The following ASAP1 variants were observed in gnomAD, a reference collection of about 807,000 sequenced individuals.
The protein encoded by ASAP1 is ArfGAP with SH3 domain, ankyrin repeat and PH domain 1.
In ASAP1, 43 loss-of-function variants were observed where a neutral mutation model predicts 145.2. The ratio of observed to expected loss-of-function variants is 0.30; its 90% CI spans 0.23 to 0.38. ASAP1 has a LOEUF of 0.38. Among genes scored for constraint, ASAP1 ranks in the 10% least tolerant of loss-of-function variants. ASAP1 has a pLI of 1.00. For synonymous variants in ASAP1, 546 were observed against 515.5 expected, an observed-to-expected ratio of 1.06 and a Z score of -0.80; for missense variants, 1,018 against 1,355.3, an observed-to-expected ratio of 0.75 and a Z score of 3.91.
intron 2 of ASAP1, among the ~76,000 whole-genome samples, chr8:130,366,886 C>CTGTTTTTTTTTTTTTT: frequency 1.0e-5 from 1 of 99,206 alleles, no homozygotes. Context: ...TGCTAGATTC[C>CTGTTTTTTTTTTTTTT]TTTTTTTTTT....
At chr8:130,368,052 A>C (rs1289460764) in intron 2 of ASAP1, among the ~76,000 whole-genome samples, 15 of 152,052 alleles carry the variant, frequency 9.9e-5, no homozygotes, top group Non-Finnish European at 2.2e-4. Flanking sequence ...AGGGGCTCTA[A>C]TTCAGAAAAA....
At chr8:130,420,660 G>A (rs1054009111) in intron 1 of ASAP1, among the ~76,000 whole-genome samples, 3 of 152,018 alleles carry the variant, frequency 2.0e-5, no homozygotes, top group Non-Finnish European at 1.5e-5. Context: ...GTGGGAGGCC[G>A]AGGCAGACGG....
At chr8:130,375,239 G>A (rs563107597) in intron 2 of ASAP1, among the ~76,000 whole-genome samples, 1 of 152,214 alleles carries the variant, frequency 6.6e-6, no homozygotes, top group Non-Finnish European at 1.5e-5. Flanking sequence ...GGATCCCCCA[G>A]GCGTTAGGAG....
chr8:130,176,888 C>A (rs138402553), intron 9 of ASAP1, among the ~76,000 whole-genome samples: 432 of 152,166 alleles, frequency 2.8e-3, no homozygotes, highest in African/African-American at 1.0e-2. Context: ...CGGGGTTTTG[C>A]CATGTTGGTC....
intron 3 of ASAP1, among the ~76,000 whole-genome samples, chr8:130,319,701 G>A (rs988378264): frequency 6.6e-6 from 1 of 152,150 alleles, no homozygotes; most frequent in South Asian, 2.1e-4. Context: ...ACAGAGCAAC[G>A]CACGTATTAA....
At position 130,108,767 on chromosome 8, in the gene ASAP1, T is replaced by G. The variant is rs868347092; in HGVS notation, c.2401+3327A>C. ...AAGCCTCAAAAACCAGTTTTTTTTT[T>G]TTTTTTTTTTTTTTTTTTTTTTTTT... On this transcript the variant is annotated intron_variant, in intron 24 of 29. Coordinates refer to ENST00000518721, the MANE Select transcript of ASAP1 (RefSeq NM_018482.4). Among the ~76,000 whole-genome samples, 530 of 112,738 alleles carry G rather than the reference T, an allele frequency of 4.7e-3. 3 individuals carry two copies. The highest frequency in any genetic ancestry group is 0.013 in the Middle Eastern group (3 of 236). 74.0% of individuals were successfully genotyped at this position (112,738 alleles called of 152,430 possible).
At chr8:130,158,520 C>T (rs1033986235) in intron 12 of ASAP1, among the ~76,000 whole-genome samples, 19 of 151,966 alleles carry the variant, frequency 1.3e-4, no homozygotes, top group Admixed American at 1.2e-3. Flanking sequence ...TGTCCCCTCC[C>T]TCCAAAAAGA....
intron 5 of ASAP1, among the ~76,000 whole-genome samples, chr8:130,189,981 C>T (rs1485247038): frequency 6.6e-6 from 1 of 152,114 alleles, no homozygotes; most frequent in Non-Finnish European, 1.5e-5. Context: ...AGATCTTTTG[C>T]CCAGTTTAAA....
chr8:130,186,638 T>C (rs1231814119), intron 7 of ASAP1, among the ~76,000 whole-genome samples: 2 of 152,178 alleles, frequency 1.3e-5, no homozygotes, highest in Non-Finnish European at 2.9e-5. Context: ...TCAGTGCCCA[T>C]GCTATGCTGA....
At chr8:130,191,081 G>A (rs951486428) in intron 5 of ASAP1, among the ~76,000 whole-genome samples, 1 of 150,368 alleles carries the variant, frequency 6.7e-6, no homozygotes, top group Non-Finnish European at 1.5e-5. Flanking sequence ...CTCTGCGGCA[G>A]TGGCCTGAGT....
rs1419903618 is a variant in ASAP1, at chr8:130,307,648, CT to C, written c.186+50368del. ...AGTGCTGGACAATTTAAATGTTTCC[CT>C]TCCACCTCTCAAGTGATCATCTAAC... On this transcript the variant is annotated intron_variant, in intron 3 of 29. Transcript: ENST00000518721. Among the ~76,000 whole-genome samples, 3 of 152,316 alleles carry C rather than the reference CT, an allele frequency of 2.0e-5. No homozygotes were observed. The East Asian group carries it at 5.8e-4, about 29-fold the overall frequency.
chr8:130,356,993 T>G (rs78875356), intron 3 of ASAP1, among the ~76,000 whole-genome samples: 1,973 of 152,296 alleles, frequency 0.013, 25 homozygotes, highest in East Asian at 0.052. Flanking sequence ...GGTGCCATTT[T>G]CAGTTGAAAT....
At chr8:130,216,079 A>G (rs1282202950) in intron 4 of ASAP1, among the ~76,000 whole-genome samples, 1 of 152,020 alleles carries the variant, frequency 6.6e-6, no homozygotes, top group Admixed American at 6.6e-5. Context: ...AGGAAAGGGA[A>G]AAGGAAGAAA....
chr8:130,186,813 A>T (rs1814762731), intron 7 of ASAP1, among the ~76,000 whole-genome samples: 1 of 152,154 alleles, frequency 6.6e-6, no homozygotes, highest in Non-Finnish European at 1.5e-5. Flanking sequence ...TCATACATGC[A>T]AAAAACACTT....
chr8:130,216,114 A>T (rs1816915267), intron 4 of ASAP1, among the ~76,000 whole-genome samples: 1 of 152,226 alleles, frequency 6.6e-6, no homozygotes, highest in Non-Finnish European at 1.5e-5. Context: ...CTGAAAAAGT[A>T]GAAAATTCTC....
At chr8:130,201,596 A>G (rs1289978788) in intron 5 of ASAP1, among the ~76,000 whole-genome samples, 1 of 152,222 alleles carries the variant, frequency 6.6e-6, no homozygotes, top group Non-Finnish European at 1.5e-5. Context: ...TCATTTGACG[A>G]TAATTATATG....
At chr8:130,431,084 C>A (rs956899996) in intron 1 of ASAP1, among the ~76,000 whole-genome samples, 4 of 152,164 alleles carry the variant, frequency 2.6e-5, no homozygotes, top group African/African-American at 9.7e-5. Context: ...CATGACTCAG[C>A]CTTGCCAACT....
In ASAP1 at chr8:130,112,298, A is replaced by C. The variant is rs781511156; in HGVS notation, c.2197T>G (p.Ser733Ala). 6.2e-7 allele frequency: 1 copy of C among 1,614,070 alleles called. No individual in the cohort carries two copies. Among genetic ancestry groups the C allele is most frequent in the Admixed American group, 1.7e-5 (1 of 60,010 alleles). ...TGGCAGAAGCTCTGAGGTCTGGGTG[A>C]GCGCTCTTTCTTGATAGGGCTTGGC... is the stretch of plus-strand genomic sequence containing the variant. The part of the protein sequence containing the change: ...DKPSPIKKER[S>A]PRPQSFCHSS... Residue 733 changes from serine to alanine, a missense_variant, in exon 24 of 30, where the codon TCA (serine) becomes GCA (alanine). Around this residue, in one of 9 missense-constraint regions of ASAP1, gnomAD observed 353 missense variants for 375.4 expected, o/e 0.94. Coordinates refer to ENST00000518721, the MANE Select transcript of ASAP1 (RefSeq NM_018482.4).
At chr8:130,354,607 T>C (rs1415524781) in intron 3 of ASAP1, among the ~76,000 whole-genome samples, 2 of 152,240 alleles carry the variant, frequency 1.3e-5, no homozygotes, top group Non-Finnish European at 2.9e-5. Flanking sequence ...AAAACGCTTA[T>C]GCTCTCCTAG....
Sources: gnomAD v4.1 joint callset for allele counts (sites outside exome capture counted in the v4.1 genomes callset) on GRCh38, gnomAD v4.1.1 for gene constraint, gnomAD v4.1.1 regional missense constraint, MANE v1.5 for transcripts, NCBI Gene and HGNC (gene_info 2026-07-23, HGNC 2026-07-21) for gene names.